The following ENOPH1 variants were observed in gnomAD, a reference collection of about 807,000 sequenced individuals.
ENOPH1 encodes enolase-phosphatase 1, also known as enolase-phosphatase E1.
Under a neutral mutation model 31.1 loss-of-function variants are expected in ENOPH1, and 14 were observed. That is an observed-to-expected ratio of 0.45 (90% CI 0.30 to 0.70). The LOEUF (loss-of-function observed/expected upper bound fraction) is 0.70. ENOPH1 is among the 30% of genes least tolerant of loss of function. ENOPH1 has a pLI of 0.09. For synonymous variants in ENOPH1, 127 were observed against 123.2 expected, an observed-to-expected ratio of 1.03 and a Z score of -0.21; for missense variants, 243 against 321.5, an observed-to-expected ratio of 0.76 and a Z score of 1.87.
At chr4:82,446,935 T>C (rs1436688982) in intron 1 of ENOPH1, among the ~76,000 whole-genome samples, 1 of 151,126 alleles carries the variant, frequency 6.6e-6, no homozygotes, top group African/African-American at 2.4e-5. Flanking sequence ...CTCGATCTCC[T>C]GACCTCATGA....
At chr4:82,441,605 G>A (rs752176000) in intron 1 of ENOPH1, among the ~76,000 whole-genome samples, 7 of 152,112 alleles carry the variant, frequency 4.6e-5, no homozygotes, top group Non-Finnish European at 8.8e-5. Context: ...CTGCACTCCA[G>A]CCTGGGCGAC....
chr4:82,454,699 T>C (rs994206331), intron 3 of ENOPH1, 23 bp from the exon 4 acceptor site: 3 of 1,606,484 alleles, frequency 1.9e-6, no homozygotes, highest in Non-Finnish European at 2.5e-6. Context: ...TCCTGTATTT[T>C]AACTTAGTGG....
chr4:82,441,528 G>A (rs1467336051), intron 1 of ENOPH1, among the ~76,000 whole-genome samples: 3 of 152,194 alleles, frequency 2.0e-5, no homozygotes, highest in Non-Finnish European at 4.4e-5. Context: ...CAGCTACTCT[G>A]GAGGCTGAGG....
chr4:82,447,438 G>A (rs1229583751), intron 1 of ENOPH1, among the ~76,000 whole-genome samples: 2 of 152,134 alleles, frequency 1.3e-5, no homozygotes, highest in Non-Finnish European at 2.9e-5. Context: ...ACAATAATGT[G>A]GTATGCATGG....
chr4:82,431,079 G>C (rs1721739401), intron 1 of ENOPH1, among the ~76,000 whole-genome samples, 166 bp downstream of exon 1: 1 of 152,242 alleles, frequency 6.6e-6, no homozygotes, highest in Non-Finnish European at 1.5e-5. Context: ...GGGTTGCGGG[G>C]ATGCTTTTCC....
At chr4:82,442,053 C>T (rs892157277) in intron 1 of ENOPH1, among the ~76,000 whole-genome samples, 2 of 152,224 alleles carry the variant, frequency 1.3e-5, no homozygotes, top group African/African-American at 4.8e-5. Flanking sequence ...AAGCTCTATT[C>T]TCTTGAAGTC....
chr4:82,450,911 T>C, intron 2 of ENOPH1, 132 bp from the exon 3 acceptor site: 1 of 652,620 alleles, frequency 1.5e-6, no homozygotes, highest in South Asian at 1.9e-5. Context: ...CCAAAGTATA[T>C]GATGTTTCAA....
intron 3 of ENOPH1, among the ~76,000 whole-genome samples, chr4:82,453,304 G>A (rs140747649): frequency 6.6e-5 from 10 of 152,274 alleles, no homozygotes; most frequent in Admixed American, 3.3e-4. Context: ...CAAATGAGAT[G>A]TTGTTTCTTT....
intron 4 of ENOPH1, among the ~76,000 whole-genome samples, chr4:82,456,156 C>T (rs1304385811): frequency 7.2e-6 from 1 of 138,394 alleles, no homozygotes; most frequent in Non-Finnish European, 1.6e-5. Context: ...AGGCAAACTG[C>T]AAGAAAAAGA....
At position 82,451,073 on chromosome 4, in the gene ENOPH1, G is replaced by A. The variant is rs746910813; in HGVS notation, c.217G>A (p.Val73Ile). 3 of 1,614,174 alleles carry A rather than the reference G, an allele frequency of 1.9e-6. No individual in the cohort carries two copies. The highest frequency in any genetic ancestry group is 3.3e-5 in the Admixed American group (2 of 60,016). ...AGAGGACGCCCACCTGGATGGGGCT[G>A]TTCCTATCCCTGCAGCATCTGGGAA... ...AEEDAHLDGAVPIPAASGNGV... is the reference protein window; with the variant it reads ...AEEDAHLDGAIPIPAASGNGV... Residue 73 changes from valine (V) to isoleucine (I), a missense_variant, in exon 3 of 6, where the codon GTT (valine) becomes ATT (isoleucine). Transcript: ENST00000273920.
chr4:82,459,618 AG>A (rs1346434051), intron 5 of ENOPH1, among the ~76,000 whole-genome samples: 1 of 151,974 alleles, frequency 6.6e-6, no homozygotes, highest in Admixed American at 6.6e-5. Context: ...TTTGGGAAAC[AG>A]CTCAGTTCTC....
intron 3 of ENOPH1, 76 bp downstream of exon 3, chr4:82,451,321 A>G: frequency 7.2e-7 from 1 of 1,389,338 alleles, no homozygotes; most frequent in South Asian, 1.2e-5. Flanking sequence ...CTCTCTTTCC[A>G]GCGTAAGTCA....
At chr4:82,457,706 G>GT (rs1259245630) in intron 5 of ENOPH1, among the ~76,000 whole-genome samples, 1 of 152,176 alleles carries the variant, frequency 6.6e-6, no homozygotes, top group Non-Finnish European at 1.5e-5. Context: ...GGGGTTGTGA[G>GT]TATAAGGGGT....
intron 3 of ENOPH1, among the ~76,000 whole-genome samples, chr4:82,453,689 T>TTTCCA (rs1369331804): frequency 6.6e-6 from 1 of 152,256 alleles, no homozygotes; most frequent in Admixed American, 6.5e-5. Flanking sequence ...TAGAGATGAC[T>TTTCCA]GGTTCTACAA....
rs1336053715 is a variant in ENOPH1, at chr4:82,430,821, G to C, written c.-9G>C. 6.2e-7 allele frequency: 1 copy of C among 1,613,828 alleles called. No individual in the cohort carries two copies. Among genetic ancestry groups the C allele is most frequent in the Non-Finnish European group, 8.5e-7 (1 of 1,179,840 alleles). Reference sequence around the variant, plus strand: ...CAGCAGGCCGAGTCCCGTAGCATCCGGTAGGGAAATGGTCGTGCTTTCGGT... The same window carrying C: ...CAGCAGGCCGAGTCCCGTAGCATCCCGTAGGGAAATGGTCGTGCTTTCGGT... On this transcript the variant is annotated 5_prime_UTR_variant, in exon 1 of 6. Transcript: ENST00000273920.
chr4:82,459,912 C>A, intron 5 of ENOPH1, 69 bp from the exon 6 acceptor site: 1 of 1,573,374 alleles, frequency 6.4e-7, no homozygotes. Context: ...CCCCTGCTGA[C>A]TTTGCTGCAA....
intron 1 of ENOPH1, 151 bp downstream of exon 1, chr4:82,431,064 G>A (rs1721738707): frequency 1.5e-6 from 1 of 687,202 alleles, no homozygotes; most frequent in Admixed American, 2.4e-5. Context: ...GAGAAAGCCT[G>A]CGGTGGGTTG....
At position 82,446,514 on chromosome 4, in the gene ENOPH1, G is replaced by C. The variant is rs540913377; in HGVS notation, c.85-1406G>C. 3.3e-5 allele frequency among the ~76,000 whole-genome samples: 5 copies of C among 152,206 alleles called. No individual in the cohort carries two copies. The South Asian group carries it at 1.0e-3, about 32-fold the overall frequency. Reference sequence around the variant, plus strand: ...GATGACTTTGCCTTGTGTTAGTCCTGTGTAGCAAATGAGAAAACTGTGGCT... The same window carrying C: ...GATGACTTTGCCTTGTGTTAGTCCTCTGTAGCAAATGAGAAAACTGTGGCT... On this transcript the variant is annotated intron_variant, in intron 1 of 5. Transcript: ENST00000273920.
chr4:82,435,721 G>T (rs1721888425), intron 1 of ENOPH1, among the ~76,000 whole-genome samples: 1 of 152,102 alleles, frequency 6.6e-6, no homozygotes. Flanking sequence ...TGCGCACTCT[G>T]CCTGCACAAT....
Sources: allele counts gnomAD v4.1 joint callset (sites outside exome capture counted in the v4.1 genomes callset), GRCh38; gene constraint gnomAD v4.1.1; transcripts MANE v1.5; gene names NCBI Gene and HGNC (gene_info 2026-07-23, HGNC 2026-07-21).